Variants in TENM3 observed in about 807,000 individuals in gnomAD.
TENM3 encodes the protein teneurin-3.
In TENM3, 63 loss-of-function variants were observed where a neutral mutation model predicts 255.1. The ratio of observed to expected loss-of-function variants is 0.25; its 90% CI spans 0.20 to 0.30. TENM3 has a LOEUF of 0.30. TENM3 is among the 10% of genes least tolerant of loss of function. The probability of loss-of-function intolerance (pLI) is 1.00; values close to 1 mark genes in which losing one functional copy is unlikely to be tolerated. For missense variants in TENM3, 2,929 were observed against 3,461.1 expected, an observed-to-expected ratio of 0.85 and a Z score of 3.86; for synonymous variants, 1,306 against 1,322.3, an observed-to-expected ratio of 0.99 and a Z score of 0.27.
the TENM3 span, among the ~76,000 whole-genome samples, chr4:181,831,427 T>G: frequency 7.9e-5 from 12 of 151,740 alleles, no homozygotes; most frequent in African/African-American, 2.9e-4. Context: ...GTTTATTATT[T>G]AATATTGTTG....
the TENM3 span, among the ~76,000 whole-genome samples, chr4:181,644,951 T>A: frequency 3.7e-4 from 57 of 152,124 alleles, no homozygotes; most frequent in African/African-American, 1.3e-3. Flanking sequence ...CTGGTAAGAC[T>A]CAAAAGGTTT....
At chr4:181,955,817 A>G in the TENM3 span, among the ~76,000 whole-genome samples, 1 of 152,142 alleles carries the variant, frequency 6.6e-6, no homozygotes, top group Non-Finnish European at 1.5e-5. Context: ...TTAATTTTCC[A>G]AGTGAGTTTG....
At chr4:181,647,349 A>C in the TENM3 span, among the ~76,000 whole-genome samples, 1 of 152,356 alleles carries the variant, frequency 6.6e-6, no homozygotes, top group East Asian at 1.9e-4. Context: ...AAACAAAGAT[A>C]GAGGCATCAG....
At chr4:182,271,771 A>G (rs192337863) in intron 1 of TENM3, among the ~76,000 whole-genome samples, 1 of 152,346 alleles carries the variant, frequency 6.6e-6, no homozygotes, top group Admixed American at 6.5e-5. Context: ...ATTATAGAGG[A>G]GAAAACTGAT....
At chr4:182,300,462 A>C (rs1761786203) in intron 1 of TENM3, among the ~76,000 whole-genome samples, 1 of 152,166 alleles carries the variant, frequency 6.6e-6, no homozygotes, top group Non-Finnish European at 1.5e-5. Context: ...TGTTGGGTAC[A>C]TGTTACCAGG....
At chr4:182,013,047 A>G in the TENM3 span, among the ~76,000 whole-genome samples, 19 of 152,172 alleles carry the variant, frequency 1.2e-4, 1 homozygote, top group Admixed American at 1.2e-3. Context: ...CCCTGCCATC[A>G]ATTTACTTGT....
At chr4:182,077,884 G>A in the TENM3 span, among the ~76,000 whole-genome samples, 1 of 152,022 alleles carries the variant, frequency 6.6e-6, no homozygotes, top group Non-Finnish European at 1.5e-5. Flanking sequence ...CTGTGGATGG[G>A]GGCTTGTTGA....
chr4:181,658,484 G>A, the TENM3 span, among the ~76,000 whole-genome samples: 170 of 152,226 alleles, frequency 1.1e-3, 2 homozygotes, highest in East Asian at 0.012. Context: ...GAAAAGCCCC[G>A]CTGGACTCTT....
At chr4:181,616,731 A>G in the TENM3 span, among the ~76,000 whole-genome samples, 1 of 152,150 alleles carries the variant, frequency 6.6e-6, no homozygotes, top group Admixed American at 6.5e-5. Flanking sequence ...TGGAGAATCT[A>G]GAGTTCTAAT....
At chr4:182,759,565 A>T (rs1297337840) in intron 22 of TENM3, among the ~76,000 whole-genome samples, 1 of 152,264 alleles carries the variant, frequency 6.6e-6, no homozygotes, top group Non-Finnish European at 1.5e-5. Flanking sequence ...GGACTTCCTC[A>T]GTTGATCTTC....
intron 3 of TENM3, among the ~76,000 whole-genome samples, chr4:182,555,481 G>T (rs757600035): frequency 6.6e-6 from 1 of 152,036 alleles, no homozygotes; most frequent in East Asian, 1.9e-4. Context: ...AAGATTATTT[G>T]TATGGTTTGG....
chr4:182,099,156 G>T, the TENM3 span, among the ~76,000 whole-genome samples: 1 of 151,800 alleles, frequency 6.6e-6, no homozygotes, highest in Admixed American at 6.6e-5. Flanking sequence ...TAGAGACGGG[G>T]TTTCACCGTG....
At chr4:181,877,942 T>G in the TENM3 span, among the ~76,000 whole-genome samples, 1 of 152,184 alleles carries the variant, frequency 6.6e-6, no homozygotes, top group Non-Finnish European at 1.5e-5. Context: ...AGGAGCCTAG[T>G]GTAGGCGTAT....
At chr4:181,968,992 C>CTATATATA in the TENM3 span, among the ~76,000 whole-genome samples, 51 of 116,098 alleles carry the variant, frequency 4.4e-4, 1 homozygote, top group South Asian at 0.014. Context: ...CTCTCTCTCT[C>CTATATATA]TATATACATA....
intron 1 of TENM3, among the ~76,000 whole-genome samples, chr4:182,165,524 G>A (rs1751646790): frequency 6.6e-6 from 1 of 152,198 alleles, no homozygotes; most frequent in Admixed American, 6.5e-5. Flanking sequence ...TGAGTCAGCG[G>A]TTAACTGAGG....
intron 1 of TENM3, among the ~76,000 whole-genome samples, chr4:182,254,345 G>A (rs1205704077): frequency 1.6e-5 from 2 of 121,998 alleles, no homozygotes; most frequent in Admixed American, 8.0e-5. Flanking sequence ...TTTTTTTTTT[G>A]TAGTTATTGA....
At chr4:182,137,339 C>CT in the TENM3 span, among the ~76,000 whole-genome samples, 3 of 110,862 alleles carry the variant, frequency 2.7e-5, no homozygotes, top group African/African-American at 9.4e-5. Context: ...CACCTCCCCC[C>CT]CCCCAAAAAG....
At chr4:181,566,703 C>A in the TENM3 span, among the ~76,000 whole-genome samples, 1 of 152,178 alleles carries the variant, frequency 6.6e-6, no homozygotes, top group African/African-American at 2.4e-5. Context: ...GAGATGTCTG[C>A]CTCTGCATCT....
the TENM3 span, among the ~76,000 whole-genome samples, chr4:181,540,974 C>CATGT: frequency 6.6e-6 from 1 of 152,128 alleles, no homozygotes; most frequent in African/African-American, 2.4e-5. Flanking sequence ...ATGGGAACTA[C>CATGT]ATGTGCAATA....
Sources: allele counts gnomAD v4.1 joint callset (sites outside exome capture counted in the v4.1 genomes callset), GRCh38; gene constraint gnomAD v4.1.1; transcripts MANE v1.5; gene names NCBI Gene and HGNC (gene_info 2026-07-23, HGNC 2026-07-21).